The following OLA1 variants were observed in gnomAD, a reference collection of about 807,000 sequenced individuals.
The protein encoded by OLA1 is Obg like ATPase 1, also known as obg-like ATPase 1.
A neutral mutation model predicts 48.4 loss-of-function variants in OLA1; 14 were observed. The observed-to-expected ratio is 0.29, with a 90% confidence interval of 0.19 to 0.45. The LOEUF (loss-of-function observed/expected upper bound fraction) is 0.45, where lower values mean the gene tolerates loss of function less well. Among genes scored for constraint, OLA1 ranks in the 20% least tolerant of loss-of-function variants. The pLI is 1.00. For missense variants in OLA1, 325 were observed against 467.1 expected (o/e 0.70, Z 2.80); for synonymous variants, 127 against 150.4 (o/e 0.84, Z 1.14).
At chr2:174,240,749 A>G (rs1688980823) in intron 2 of OLA1, among the ~76,000 whole-genome samples, 1 of 152,154 alleles carries the variant, frequency 6.6e-6, no homozygotes, top group Non-Finnish European at 1.5e-5. Context: ...TACTCAGATC[A>G]TCAGTATTTG....
chr2:174,109,918 T>C (rs992769926), intron 7 of OLA1, among the ~76,000 whole-genome samples: 10 of 152,070 alleles, frequency 6.6e-5, no homozygotes, highest in African/African-American at 2.4e-4. Context: ...TTAAGCTCAG[T>C]AACCAATAGT....
intron 5 of OLA1, among the ~76,000 whole-genome samples, chr2:174,138,891 T>C (rs1686373427): frequency 6.6e-6 from 1 of 152,230 alleles, no homozygotes; most frequent in South Asian, 2.1e-4. Flanking sequence ...GACTCAATTA[T>C]AATTTCTGGT....
chr2:174,094,753 G>A (rs1685206164), intron 7 of OLA1, among the ~76,000 whole-genome samples: 1 of 152,090 alleles, frequency 6.6e-6, no homozygotes, highest in African/African-American at 2.4e-5. Context: ...GTTGTGCAAC[G>A]GCTCTACAGA....
Position 174,243,748 on chromosome 2 carries a change from T to A in OLA1, c.101+2967A>T, listed in dbSNP as rs948789962. On this transcript the variant is annotated intron_variant, in intron 2 of 10. Coordinates refer to ENST00000284719, the MANE Select transcript of OLA1 (RefSeq NM_013341.5). ...AAAATAGCGATTGGCATATAGTAAA[T>A]GTTCAATATCTGATTAGCTATAAAT... 3.6e-4 allele frequency among the ~76,000 whole-genome samples: 55 copies of A among 152,186 alleles called. 1 individual carries two copies. Among genetic ancestry groups the A allele is most frequent in the Admixed American group, 3.6e-3 (55 of 15,274 alleles).
At chr2:174,122,140 C>CT (rs1685928540) in intron 7 of OLA1, among the ~76,000 whole-genome samples, 1 of 152,164 alleles carries the variant, frequency 6.6e-6, no homozygotes, top group Admixed American at 6.5e-5. Flanking sequence ...TAAATTTATG[C>CT]TTTTTAGAAC....
At position 174,154,092 on chromosome 2, in the gene OLA1, A is replaced by G. The variant is rs946320516; in HGVS notation, c.374-12092T>C. On this transcript the variant is annotated intron_variant, in intron 4 of 10. Coordinates refer to ENST00000284719, the MANE Select transcript of OLA1 (RefSeq NM_013341.5). ...TGTTATCTCGCCCAGGCTGATCTTG[A>G]ACTGCTGGGTGGAAGCAATCCTCCC... 3.4e-4 allele frequency among the ~76,000 whole-genome samples: 51 copies of G among 152,062 alleles called. 1 individual carries two copies. The highest frequency in any genetic ancestry group is 1.1e-3 in the African/African-American group (47 of 41,402).
chr2:174,214,287 T>C (rs1165872577), intron 4 of OLA1, among the ~76,000 whole-genome samples: 2 of 152,078 alleles, frequency 1.3e-5, no homozygotes, highest in African/African-American at 4.8e-5. Context: ...GAGCCAAGAC[T>C]GTGCCACTGC....
Position 174,163,716 on chromosome 2 carries a change from ATATATAT to A in OLA1, c.374-21723_374-21717del, listed in dbSNP as rs1687072703. On this transcript the variant is annotated intron_variant, in intron 4 of 10. Transcript: ENST00000284719. Reference sequence around the variant, plus strand: ...AAAAATAAAATAAATAAATAAATATATATATATATATATATATATATATATATATATA... The same window carrying A: ...AAAAATAAAATAAATAAATAAATATAATATATATATATATATATATATATA... Among the ~76,000 whole-genome samples, 17 of 17,982 alleles carry A rather than the reference ATATATAT, an allele frequency of 9.5e-4. 1 individual carries two copies. Among genetic ancestry groups the A allele is most frequent in the Admixed American group, 2.9e-3 (4 of 1,366 alleles). 11.8% of individuals were successfully genotyped at this position (17,982 alleles called of 152,430 possible).
At chr2:174,129,956 T>G (rs1288566753) in intron 5 of OLA1, among the ~76,000 whole-genome samples, 1 of 152,190 alleles carries the variant, frequency 6.6e-6, no homozygotes, top group East Asian at 1.9e-4. Context: ...AACTGACTTA[T>G]GCTGGTTAGG....
chr2:174,171,773 A>C (rs915746719), intron 4 of OLA1: 4 of 152,282 alleles, frequency 2.6e-5, no homozygotes, highest in Non-Finnish European at 4.4e-5. Flanking sequence ...TGGACTCCAG[A>C]GAGCCCTGAG....
intron 7 of OLA1, among the ~76,000 whole-genome samples, chr2:174,104,498 A>G (rs1293337147): frequency 6.6e-6 from 1 of 152,142 alleles, no homozygotes; most frequent in Non-Finnish European, 1.5e-5. Context: ...AATGCAGCAT[A>G]ACATAGCAGT....
chr2:174,136,578 G>C (rs866226914), intron 5 of OLA1, among the ~76,000 whole-genome samples: 1 of 152,056 alleles, frequency 6.6e-6, no homozygotes. Context: ...CTGAAGTCTT[G>C]AGCCTCTCAA....
At position 174,202,210 on chromosome 2, in the gene OLA1, G is replaced by A. The variant is rs151222600; in HGVS notation, c.373+20823C>T. ...AGAATTTATCAAAATGTACACATGC[G>A]CACTTAGATTGTTATATGACACCAT... On this transcript the variant is annotated intron_variant, in intron 4 of 10. Transcript: ENST00000284719. Among the ~76,000 whole-genome samples, 506 of 152,082 alleles carry A rather than the reference G, an allele frequency of 3.3e-3. 2 individuals are homozygous for A. The highest frequency in any genetic ancestry group is 0.012 in the African/African-American group (479 of 41,474).
intron 7 of OLA1, among the ~76,000 whole-genome samples, chr2:174,083,243 ATAAT>A (rs1684896089): frequency 6.6e-6 from 1 of 152,152 alleles, no homozygotes; most frequent in Non-Finnish European, 1.5e-5. Flanking sequence ...AGTCCTTTAA[ATAAT>A]TAATGTAAAT....
At chr2:174,105,756 T>C (rs919678553) in intron 7 of OLA1, among the ~76,000 whole-genome samples, 3 of 152,166 alleles carry the variant, frequency 2.0e-5, no homozygotes, top group Middle Eastern at 3.4e-3. Context: ...TTCTTTAAGA[T>C]TGCAGGTGTA....
chr2:174,169,838 T>G (rs1046940259), intron 4 of OLA1, among the ~76,000 whole-genome samples: 1 of 152,240 alleles, frequency 6.6e-6, no homozygotes, highest in Non-Finnish European at 1.5e-5. Flanking sequence ...TCATTTATGA[T>G]GTACTAAATG....
intron 5 of OLA1, among the ~76,000 whole-genome samples, chr2:174,139,591 G>A (rs1031894042): frequency 6.6e-6 from 1 of 152,156 alleles, no homozygotes; most frequent in Non-Finnish European, 1.5e-5. Context: ...TCTTGGCCGG[G>A]CACAGTGGCT....
chr2:174,181,687 C>T (rs761523617), intron 4 of OLA1, among the ~76,000 whole-genome samples: 9 of 152,170 alleles, frequency 5.9e-5, no homozygotes, highest in Non-Finnish European at 7.3e-5. Flanking sequence ...TCACGGCACT[C>T]GCATTTGCTG....
At chr2:174,235,342 G>A (rs1461742358) in intron 2 of OLA1, among the ~76,000 whole-genome samples, 1 of 152,060 alleles carries the variant, frequency 6.6e-6, no homozygotes, top group Non-Finnish European at 1.5e-5. Context: ...TTCTATGAAA[G>A]AACAGGCATT....
Sources: allele counts gnomAD v4.1 joint callset (sites outside exome capture counted in the v4.1 genomes callset), GRCh38; gene constraint gnomAD v4.1.1; transcripts MANE v1.5; gene names NCBI Gene and HGNC (gene_info 2026-07-23, HGNC 2026-07-21).